The following CAST variants were observed in gnomAD, a reference collection of about 807,000 sequenced individuals.
The protein encoded by CAST is MIR583 host.
A neutral mutation model predicts 119.6 loss-of-function variants in CAST; 76 were observed. The ratio of observed to expected loss-of-function variants is 0.64; its 90% CI spans 0.53 to 0.77. The LOEUF (loss-of-function observed/expected upper bound fraction) is 0.77, where lower values mean the gene tolerates loss of function less well. Ranked by LOEUF, CAST falls within the 30% of genes least tolerant of loss-of-function variation. CAST has a pLI of 0.00. For missense variants in CAST, 953 were observed against 946.5 expected, an observed-to-expected ratio of 1.01 and a Z score of -0.09; for synonymous variants, 319 against 331.6, an observed-to-expected ratio of 0.96 and a Z score of 0.41.
intron 16 of CAST, among the ~76,000 whole-genome samples, chr5:96,746,096 C>T (rs1763693036): frequency 6.6e-6 from 1 of 152,210 alleles, no homozygotes; most frequent in Non-Finnish European, 1.5e-5. Context: ...AAGGTCACAG[C>T]AGCTGGGAGC....
intron 29 of CAST, among the ~76,000 whole-genome samples, chr5:96,768,730 C>T (rs1187698299): frequency 1.3e-5 from 2 of 152,180 alleles, no homozygotes; most frequent in African/African-American, 2.4e-5. Flanking sequence ...GGAGCTTCCT[C>T]CCCTTTTCTG....
chr5:96,175,609 C>T, the CAST span, among the ~76,000 whole-genome samples: 11 of 152,154 alleles, frequency 7.2e-5, no homozygotes, highest in African/African-American at 2.4e-4. Flanking sequence ...CTTTACACAA[C>T]GTTGGTCAGT....
chr5:96,750,562 TGA>T (rs1389992501), intron 19 of CAST, 23 bp from the exon 20 acceptor site: 1 of 1,489,976 alleles, frequency 6.7e-7, no homozygotes, highest in Non-Finnish European at 9.4e-7. Context: ...CTAAACTTAT[TGA>T]GAGTACTTGT....
At chr5:96,129,434 C>T in the CAST span, among the ~76,000 whole-genome samples, 1 of 152,058 alleles carries the variant, frequency 6.6e-6, no homozygotes, top group African/African-American at 2.4e-5. Context: ...GGAAGTCTGT[C>T]ACAGGAAGCT....
At chr5:96,432,131 G>A in the CAST span, 1 of 1,535,602 alleles carries the variant, frequency 6.5e-7, no homozygotes, top group South Asian at 1.2e-5. Flanking sequence ...TAGTCAGTTC[G>A]GCATCTCGAC....
chr5:96,651,059 G>GA (rs200672295), intron 1 of CAST, among the ~76,000 whole-genome samples: 6,307 of 151,944 alleles, frequency 0.042, 177 homozygotes, highest in Middle Eastern at 0.092. Flanking sequence ...ACATTCTGGA[G>GA]AAAAAAAATT....
the CAST span, among the ~76,000 whole-genome samples, chr5:96,028,598 T>A: frequency 6.6e-6 from 1 of 151,984 alleles, no homozygotes; most frequent in Non-Finnish European, 1.5e-5. Context: ...GTATGGTGCA[T>A]TCAAAATAAA....
At chr5:96,613,095 A>G (rs1214167473) in intron 1 of CAST, among the ~76,000 whole-genome samples, 1 of 152,192 alleles carries the variant, frequency 6.6e-6, no homozygotes, top group Non-Finnish European at 1.5e-5. Context: ...TGCCTGAACT[A>G]CTATAGTTTT....
chr5:96,286,518 T>C, the CAST span, among the ~76,000 whole-genome samples: 1 of 152,186 alleles, frequency 6.6e-6, no homozygotes, highest in Non-Finnish European at 1.5e-5. Flanking sequence ...ATGGACCGTG[T>C]TGTGACTTGG....
the CAST span, among the ~76,000 whole-genome samples, chr5:96,517,955 A>C: frequency 6.6e-6 from 1 of 152,384 alleles, no homozygotes; most frequent in Non-Finnish European, 1.5e-5. Flanking sequence ...AAGGTAAAGC[A>C]GATATTATTC....
intron 1 of CAST, among the ~76,000 whole-genome samples, chr5:96,557,446 T>C (rs1452493034): frequency 2.6e-5 from 4 of 151,980 alleles, no homozygotes; most frequent in African/African-American, 9.7e-5. Context: ...CCCATCAGTG[T>C]GCTGTATTCA....
chr5:96,278,355 G>T, the CAST span, among the ~76,000 whole-genome samples: 2 of 152,062 alleles, frequency 1.3e-5, no homozygotes, highest in Non-Finnish European at 2.9e-5. Context: ...CAGGCAGGAT[G>T]GTACCTGCCA....
upstream of CAST, among the ~76,000 whole-genome samples, chr5:96,657,254 G>A (rs1400979308): frequency 6.6e-6 from 1 of 152,180 alleles, no homozygotes; most frequent in Non-Finnish European, 1.5e-5. Flanking sequence ...TGGGTGTGGC[G>A]GTAGAAGCCT....
At chr5:96,663,123 A>C (rs1748799335) in intron 1 of CAST, 1 of 702,464 alleles carries the variant, frequency 1.4e-6, no homozygotes, top group South Asian at 1.5e-5. Context: ...GATCGGAGCC[A>C]GCCGGTTGTT....
At chr5:96,741,656 C>T in intron 15 of CAST, 76 bp downstream of exon 15, 4 of 931,346 alleles carry the variant, frequency 4.3e-6, no homozygotes, top group South Asian at 2.8e-5. Flanking sequence ...GCCAGTAGCA[C>T]ATAACCCATG....
intron 1 of CAST, among the ~76,000 whole-genome samples, chr5:96,539,977 G>A (rs1442141531): frequency 6.6e-6 from 1 of 151,728 alleles, no homozygotes; most frequent in African/African-American, 2.4e-5. Flanking sequence ...GTGGCTTATT[G>A]GACATAGCTT....
chr5:96,612,559 A>G (rs374557712), intron 1 of CAST, among the ~76,000 whole-genome samples: 1 of 152,188 alleles, frequency 6.6e-6, no homozygotes, highest in South Asian at 2.1e-4. Flanking sequence ...AAACCTGCAT[A>G]CATACCCGCT....
At chr5:96,423,386 G>A in the CAST span, 62 of 1,613,776 alleles carry the variant, frequency 3.8e-5, no homozygotes, top group African/African-American at 5.3e-5. Flanking sequence ...TCCTTTGCCC[G>A]TAATGCCTTT....
chr5:96,009,191 T>G, the CAST span, among the ~76,000 whole-genome samples: 2 of 152,234 alleles, frequency 1.3e-5, no homozygotes, highest in African/African-American at 4.8e-5. Context: ...ATGTACCACA[T>G]TTTCTCTATC....
Sources: gnomAD v4.1 joint callset for allele counts (sites outside exome capture counted in the v4.1 genomes callset) on GRCh38, gnomAD v4.1.1 for gene constraint, MANE v1.5 for transcripts, NCBI Gene and HGNC (gene_info 2026-07-23, HGNC 2026-07-21) for gene names.